EP400: variants seen among roughly 807,000 people sequenced by gnomAD.
EP400 encodes the protein E1A binding protein p400, also known as E1A-binding protein p400.
EP400 carries 105 observed loss-of-function variants against 354.1 expected under a neutral mutation model. The ratio of observed to expected loss-of-function variants is 0.30; its 90% CI spans 0.25 to 0.35. The LOEUF is 0.35. Among genes scored for constraint, EP400 ranks in the 10% least tolerant of loss-of-function variants. The pLI, the probability that EP400 is intolerant of heterozygous loss-of-function variation, is 1.00. For synonymous variants in EP400, 1,646 were observed against 1,716.9 expected (o/e 0.96, Z 1.02); for missense variants, 3,280 against 4,121.0 (o/e 0.80, Z 5.59).
intron 2 of EP400, among the ~76,000 whole-genome samples, chr12:131,969,640 T>A (rs1175188079): frequency 3.3e-5 from 5 of 152,092 alleles, no homozygotes; most frequent in African/African-American, 4.8e-5. Context: ...ATATATATAT[T>A]CTTTGATCCA....
At chr12:132,026,778 G>A (rs1202326903) in intron 25 of EP400, among the ~76,000 whole-genome samples, 1 of 152,140 alleles carries the variant, frequency 6.6e-6, no homozygotes, top group African/African-American at 2.4e-5. Flanking sequence ...GACAACCTCA[G>A]CCTCTCCTCT....
At chr12:132,034,442 C>T (rs769436847) in intron 30 of EP400, among the ~76,000 whole-genome samples, 1 of 152,166 alleles carries the variant, frequency 6.6e-6, no homozygotes, top group Non-Finnish European at 1.5e-5. Context: ...GAAAACGCTC[C>T]TCATGGGTGT....
chr12:132,013,516 C>T lies in EP400; in HGVS notation c.3638C>T (p.Ser1213Leu), dbSNP rs775468375. 1.5e-5 allele frequency: 23 copies of T among 1,583,644 alleles called. No homozygotes were observed. Among genetic ancestry groups the T allele is most frequent in the East Asian group, 1.1e-4 (5 of 44,474 alleles). ...CAACAACGTCTGCTTCTGATCGACT[C>T]GCCGCTGCACAATACCTTCCTGGAG... is the stretch of plus-strand genomic sequence containing the variant. ...QSQQRLLLIDSPLHNTFLELW... is the reference protein window; with the variant it reads ...QSQQRLLLIDLPLHNTFLELW... Residue 1213 changes from serine to leucine, a missense_variant, in exon 18 of 53, where the codon TCG (serine) becomes TTG (leucine). By Grantham distance (145) the Ser-to-Leu change is moderately radical. Coordinates refer to ENST00000389561, the MANE Select transcript of EP400 (RefSeq NM_015409.5). This position sits in a 1 kb window ranked among gnomAD's most constrained non-coding sequence, Gnocchi z 4.5.
Position 132,052,371 on chromosome 12 carries a change from AG to A in EP400, c.7395-773del, listed in dbSNP as rs1895323336. ...TCAGGGCCCATCTCCGCAAACCCCC[AG>A]GACTCCCTACTGCCCACGCTCTGAG... On this transcript the variant is annotated intron_variant, in intron 41 of 52. Coordinates refer to ENST00000389561, the MANE Select transcript of EP400 (RefSeq NM_015409.5). The surrounding 1 kb of genome is among the most constrained non-coding windows in gnomAD (Gnocchi z 4.4). Among the ~76,000 whole-genome samples, 1 of 152,186 alleles carries A rather than the reference AG, an allele frequency of 6.6e-6. No homozygotes were observed. The highest frequency in any genetic ancestry group is 2.4e-5 in the African/African-American group (1 of 41,456).
chr12:132,006,719 C>G lies in EP400; in HGVS notation c.3146C>G (p.Ser1049Cys). The change falls in exon 15 of 53, where the codon TCT becomes TGT. Residue 1049 changes from serine (S) to cysteine (C), a missense_variant. Transcript: ENST00000389561. ...VTTSVKFNAP[S>C]LLYGALRDYQ... Reference sequence around the variant, plus strand: ...CTGCAGGTCAAGTTTAATGCTCCATCTTTGTTGTATGGGGCTCTCAGAGAT... The same window carrying G: ...CTGCAGGTCAAGTTTAATGCTCCATGTTTGTTGTATGGGGCTCTCAGAGAT... 1 of 1,601,644 alleles carries G rather than the reference C, an allele frequency of 6.2e-7. No homozygotes were observed. Among genetic ancestry groups the G allele is most frequent in the Middle Eastern group, 1.7e-4 (1 of 6,034 alleles).
Position 132,037,724 on chromosome 12 carries a change from T to C in EP400, c.5994T>C (p.Asn1998=), listed in dbSNP as rs764976587. 1 of 1,614,174 alleles carries C rather than the reference T, an allele frequency of 6.2e-7. No homozygotes were observed. Among genetic ancestry groups the C allele is most frequent in the South Asian group, 1.1e-5 (1 of 91,082 alleles). ...CCATTGAAGAGAAATTGTTGAAAAA[T>C]GGAACTAAAGATCTGATCCGAGAAG... ...GNSIEEKLLK[N]GTKDLIREVA... Residue 1998 remains asparagine, a synonymous_variant, in exon 31 of 53, where the codon AAT becomes AAC. Transcript: ENST00000389561.
chr12:131,980,401 A>T (rs541795405), intron 3 of EP400, among the ~76,000 whole-genome samples: 1 of 152,324 alleles, frequency 6.6e-6, no homozygotes, highest in South Asian at 2.1e-4. Flanking sequence ...TCAGTGCTCC[A>T]TGCTGTTCCG....
At chr12:132,059,174 T>C (rs1490400331) in intron 45 of EP400, among the ~76,000 whole-genome samples, 1 of 152,130 alleles carries the variant, frequency 6.6e-6, no homozygotes, top group African/African-American at 2.4e-5. Context: ...GCTTGTGGAA[T>C]GAGGGAACTT....
At position 132,025,662 on chromosome 12, in the gene EP400, C is replaced by T. The variant is rs142800597; in HGVS notation, c.4872C>T (p.Ile1624=). The T allele has an allele frequency of 2.2e-5, 35 of 1,606,232 alleles. No homozygotes were observed. The African/African-American group carries it at 3.6e-4, about 17-fold the overall frequency. Residue 1624 remains isoleucine, a synonymous_variant, in exon 25 of 53, where the codon ATC becomes ATT. Coordinates refer to ENST00000389561, the MANE Select transcript of EP400 (RefSeq NM_015409.5). The surrounding 1 kb of genome is among the most constrained non-coding windows in gnomAD (Gnocchi z 4.1). ...PLQLQGSVLQ[I]VSAPGQPYLR... The stretch of plus-strand genomic sequence containing the variant: ...TGATTGCAGGCAGCGTCCTCCAGAT[C>T]GTGTCCGCCCCCGGGCAGCCCTACC...
At position 132,013,702 on chromosome 12, in the gene EP400, CAT is replaced by C. The variant is rs1893834999; in HGVS notation, c.3786+39_3786+40del. ...CTGCCATTTCAGTTAATTAATTAAA[CAT>C]GCGTATGCCTTGTTATAAACGTGTT... is the stretch of plus-strand genomic sequence containing the variant. On this transcript the variant is annotated intron_variant, in intron 18 of 52. Coordinates refer to ENST00000389561, the MANE Select transcript of EP400 (RefSeq NM_015409.5). This position sits in a 1 kb window ranked among gnomAD's most constrained non-coding sequence, Gnocchi z 4.5. The C allele has an allele frequency of 3.1e-6, 5 of 1,604,392 alleles. No homozygotes were observed. Among genetic ancestry groups the C allele is most frequent in the Non-Finnish European group, 3.4e-6 (4 of 1,174,106 alleles).
Position 131,971,244 on chromosome 12 carries a change from C to G in EP400, c.1336-8450C>G, listed in dbSNP as rs117296459. Among the ~76,000 whole-genome samples the G allele has an allele frequency of 7.1e-3, 1,081 of 152,246 alleles. 34 individuals are homozygous for G. The South Asian group carries it at 0.093, about 13-fold the overall frequency. On this transcript the variant is annotated intron_variant, in intron 2 of 52. Transcript: ENST00000389561. ...TCCACGTGTAAGTGATACTGTACAG[C>G]ATTTATCTTTCTCTGGCTTATTTCA...
intron 48 of EP400, 48 bp from the exon 49 acceptor site, chr12:132,066,726 A>C: frequency 6.4e-7 from 1 of 1,564,132 alleles, no homozygotes; most frequent in Non-Finnish European, 8.7e-7. Context: ...GGAAAGACAT[A>C]CCGTGTCCTG....
intron 15 of EP400, among the ~76,000 whole-genome samples, chr12:132,007,910 G>A (rs1297280529): frequency 6.6e-6 from 1 of 151,730 alleles, no homozygotes; most frequent in Middle Eastern, 3.2e-3. Flanking sequence ...AGCTTAAGGA[G>A]AGAGAGGCAG....
At chr12:132,059,145 G>A (rs1318722950) in intron 45 of EP400, among the ~76,000 whole-genome samples, 1 of 152,168 alleles carries the variant, frequency 6.6e-6, no homozygotes, top group Non-Finnish European at 1.5e-5. Flanking sequence ...AGTCATGTTT[G>A]CCTTGAAAAT....
chr12:132,000,449 TTCTC>T (rs1893368903), intron 12 of EP400, among the ~76,000 whole-genome samples: 1 of 152,232 alleles, frequency 6.6e-6, no homozygotes, highest in African/African-American at 2.4e-5. Context: ...TATGGTACAA[TTCTC>T]TCTCTCAGTC....
rs193049124 is a variant in EP400 at position 131,986,829 on chromosome 12, G to A, written c.2223+22G>A. ...TCTGGTAAGCATGCTTAAGAAAGTT[G>A]TAAAATGTACTCCAGTTGGTGAAGC... On this transcript the variant is annotated intron_variant, in intron 6 of 52. Transcript: ENST00000389561. 3.1e-4 allele frequency: 483 copies of A among 1,579,352 alleles called. 1 individual carries two copies. The East Asian group carries it at 9.3e-3, about 30-fold the overall frequency.
At position 132,062,313 on chromosome 12, in the gene EP400, A is replaced by T. The variant is rs756550069; in HGVS notation, c.8088A>T (p.Gln2696His). The part of the protein sequence containing the change: ...VQTPARSLVP[Q>H]VSQATGVQLP... The stretch of plus-strand genomic sequence containing the variant: ...CCCCGGCACGGTCTTTGGTGCCCCA[A>T]GTGTCCCAAGGTAAAGCCAGGCTGG... The change falls in exon 46 of 53, where the codon CAA (glutamine) becomes CAT (histidine). Residue 2696 changes from glutamine (Q) to histidine (H), a missense_variant. Around this residue, in one of 20 missense-constraint regions of EP400, gnomAD observed 255 missense variants for 295.9 expected, o/e 0.86. Coordinates refer to ENST00000389561, the MANE Select transcript of EP400 (RefSeq NM_015409.5). 9.9e-6 allele frequency: 16 copies of T among 1,614,054 alleles called. No homozygotes were observed. Among genetic ancestry groups the T allele is most frequent in the Non-Finnish European group, 1.0e-5 (12 of 1,180,040 alleles).
At chr12:131,999,641 G>C (rs1258514020) in intron 12 of EP400, among the ~76,000 whole-genome samples, 1 of 152,052 alleles carries the variant, frequency 6.6e-6, no homozygotes, top group African/African-American at 2.4e-5. Context: ...GTTTTACCGT[G>C]TTGCCCAGGC....
chr12:132,006,315 G>T lies in EP400; in HGVS notation c.3126+13G>T. On this transcript the variant is annotated intron_variant, in intron 14 of 52. Coordinates refer to ENST00000389561, the MANE Select transcript of EP400 (RefSeq NM_015409.5). The stretch of plus-strand genomic sequence containing the variant: ...GGTCACAACCTCGGTGAGGCGCTAA[G>T]CTTTCAAGTGTGGGATGGGCCTTTG... The T allele has an allele frequency of 6.2e-7, 1 of 1,612,746 alleles. No homozygotes were observed. The highest frequency in any genetic ancestry group is 8.5e-7 in the Non-Finnish European group (1 of 1,179,192).
Sources: allele counts gnomAD v4.1 joint callset (sites outside exome capture counted in the v4.1 genomes callset), GRCh38; gene constraint gnomAD v4.1.1; regional missense constraint gnomAD v4.1.1; non-coding constraint Gnocchi (gnomAD v3.1); transcripts MANE v1.5; gene names NCBI Gene and HGNC (gene_info 2026-07-23, HGNC 2026-07-21).